PTPRD: variants seen among roughly 807,000 people sequenced by gnomAD.
The protein encoded by PTPRD is protein tyrosine phosphatase receptor type D.
PTPRD carries 34 observed loss-of-function variants against 214.5 expected under a neutral mutation model. The ratio of observed to expected loss-of-function variants is 0.16; its 90% confidence interval spans 0.12 to 0.21. PTPRD has a LOEUF of 0.21. PTPRD is among the 10% of genes least tolerant of loss of function. The pLI, the probability that PTPRD is intolerant of heterozygous loss-of-function variation, is 1.00. For missense variants in PTPRD, 2,545 were observed against 2,398.7 expected (o/e 1.06, Z -1.27); for synonymous variants, 1,128 against 845.7 (o/e 1.33, Z -5.79).
Position 8,809,848 on chromosome 9 carries a change from T to C in PTPRD, c.-103-75902A>G, listed in dbSNP as rs575728348. On this transcript the variant is annotated intron_variant, in intron 11 of 45. Coordinates refer to ENST00000381196, the MANE Select transcript of PTPRD (RefSeq NM_002839.4). ...TTCTTAAAACAATAATTGTAAGCCT[T>C]TATTCTTCACCAGGAATATCAAGGT... 1.0e-3 allele frequency among the ~76,000 whole-genome samples: 157 copies of C among 152,300 alleles called. 2 individuals carry two copies. The highest frequency in any genetic ancestry group is 3.7e-3 in the African/African-American group (153 of 41,564).
intron 9 of PTPRD, among the ~76,000 whole-genome samples, chr9:9,330,735 GA>G (rs1391067851): frequency 1.3e-5 from 2 of 151,714 alleles, no homozygotes; most frequent in African/African-American, 4.8e-5. Flanking sequence ...TTTGTAGAGA[GA>G]AAAAAGTCAT....
At chr9:9,425,740 T>C (rs1461526940) in intron 8 of PTPRD, among the ~76,000 whole-genome samples, 1 of 152,094 alleles carries the variant, frequency 6.6e-6, no homozygotes. Context: ...TATTTCTGCA[T>C]ACAGATTCAA....
Position 8,663,532 on chromosome 9 carries a change from C to T in PTPRD, c.65-26688G>A, listed in dbSNP as rs536971787. On this transcript the variant is annotated intron_variant, in intron 12 of 45. Transcript: ENST00000381196. ...TTGGGAGGCAGTCTCACTCTGTTGCCCAGGCTGGAGTGCAGTGGTGCGATC... is the reference window on the plus strand; with the variant it reads ...TTGGGAGGCAGTCTCACTCTGTTGCTCAGGCTGGAGTGCAGTGGTGCGATC... 2.8e-4 allele frequency among the ~76,000 whole-genome samples: 43 copies of T among 152,056 alleles called. 1 individual carries two copies. The highest frequency in any genetic ancestry group is 2.6e-3 in the Admixed American group (39 of 15,276).
chr9:10,106,017 A>G (rs1591331841), intron 3 of PTPRD, among the ~76,000 whole-genome samples: 1 of 134,684 alleles, frequency 7.4e-6, no homozygotes, highest in Non-Finnish European at 1.6e-5. Context: ...CATATTCAAA[A>G]AAAAAAAAAA....
intron 10 of PTPRD, among the ~76,000 whole-genome samples, chr9:9,116,812 A>G (rs1223156077): frequency 6.6e-6 from 1 of 152,128 alleles, no homozygotes; most frequent in East Asian, 1.9e-4. Context: ...TCTCCTCCAG[A>G]TACCTTGTGC....
intron 14 of PTPRD, among the ~76,000 whole-genome samples, chr9:8,599,071 C>T (rs961722859): frequency 6.6e-6 from 1 of 152,132 alleles, no homozygotes; most frequent in African/African-American, 2.4e-5. Flanking sequence ...GTGGGCAGGT[C>T]TTTCCCAAGC....
chr9:9,159,030 T>A (rs188916146), intron 10 of PTPRD, among the ~76,000 whole-genome samples: 52 of 152,262 alleles, frequency 3.4e-4, no homozygotes, highest in Non-Finnish European at 6.2e-4. Context: ...TAAAATCTAA[T>A]AGACAAAGTA....
chr9:9,173,925 T>C (rs897993993), intron 10 of PTPRD, among the ~76,000 whole-genome samples: 1 of 152,098 alleles, frequency 6.6e-6, no homozygotes, highest in Admixed American at 6.6e-5. Context: ...ACCGGCATGC[T>C]CTTATGTTAG....
chr9:9,515,574 G>A (rs1212781804), intron 8 of PTPRD, among the ~76,000 whole-genome samples: 1 of 151,778 alleles, frequency 6.6e-6, no homozygotes, highest in Non-Finnish European at 1.5e-5. Flanking sequence ...CGAGGTGGTT[G>A]CAAAATGAAT....
At chr9:9,782,349 C>A (rs1402097882) in intron 5 of PTPRD, among the ~76,000 whole-genome samples, 1 of 152,096 alleles carries the variant, frequency 6.6e-6, no homozygotes, top group East Asian at 1.9e-4. Flanking sequence ...GAATTCCTAA[C>A]CCCTTAAAGT....
At chr9:9,848,095 G>C (rs1161617263) in intron 5 of PTPRD, among the ~76,000 whole-genome samples, 1 of 152,048 alleles carries the variant, frequency 6.6e-6, no homozygotes, top group South Asian at 2.1e-4. Flanking sequence ...CTGGAAAGGG[G>C]GAAATCTTTA....
At chr9:9,174,270 C>T (rs1376139955) in intron 10 of PTPRD, among the ~76,000 whole-genome samples, 1 of 152,048 alleles carries the variant, frequency 6.6e-6, no homozygotes, top group Non-Finnish European at 1.5e-5. Flanking sequence ...GTCTCTCCAT[C>T]ATCTACAATA....
At position 9,842,298 on chromosome 9, in the gene PTPRD, A is replaced by ATTTTTTTTTT. The variant is rs138386194; in HGVS notation, c.-367-75457_-367-75448dup. 2.7e-3 allele frequency among the ~76,000 whole-genome samples: 250 copies of ATTTTTTTTTT among 91,424 alleles called. 6 individuals are homozygous for ATTTTTTTTTT. Among genetic ancestry groups the ATTTTTTTTTT allele is most frequent in the Non-Finnish European group, 3.1e-3 (152 of 49,534 alleles). 60.0% of individuals were successfully genotyped at this position (91,424 alleles called of 152,430 possible). ...AACTCAAAGTCTACTGAAGGAGAGC[A>ATTTTTTTTTT]TTTTTTTTTTTTTTTTTTTTTTTTG... On this transcript the variant is annotated intron_variant, in intron 5 of 45. Transcript: ENST00000381196.
chr9:8,948,983 C>T (rs1340460399), intron 11 of PTPRD, among the ~76,000 whole-genome samples: 1 of 151,810 alleles, frequency 6.6e-6, no homozygotes, highest in Non-Finnish European at 1.5e-5. Flanking sequence ...CCTGTAGTCC[C>T]AGCACTTTGG....
At chr9:10,498,409 A>C (rs2042737149) in intron 2 of PTPRD, among the ~76,000 whole-genome samples, 1 of 151,996 alleles carries the variant, frequency 6.6e-6, no homozygotes, top group East Asian at 1.9e-4. Context: ...TGTTAGCTTT[A>C]TTGGCACTAA....
chr9:9,567,205 G>A (rs1162376295), intron 8 of PTPRD, among the ~76,000 whole-genome samples: 1 of 151,944 alleles, frequency 6.6e-6, no homozygotes, highest in East Asian at 1.9e-4. Context: ...AGTCAAAGGT[G>A]TGTGAGTGGG....
At chr9:8,943,681 T>A (rs2099047079) in intron 11 of PTPRD, among the ~76,000 whole-genome samples, 1 of 151,284 alleles carries the variant, frequency 6.6e-6, no homozygotes, top group South Asian at 2.1e-4. Flanking sequence ...AATAAATGGT[T>A]CTGGGAAAAC....
chr9:10,223,094 C>T (rs2099576732), intron 3 of PTPRD, among the ~76,000 whole-genome samples: 3 of 151,970 alleles, frequency 2.0e-5, no homozygotes, highest in South Asian at 2.1e-4. Context: ...ATTGTTTCTG[C>T]TCTATTCAAT....
In PTPRD at chr9:10,553,216, T is replaced by C. The variant is rs75503672; in HGVS notation, c.-600+59182A>G. On this transcript the variant is annotated intron_variant, in intron 2 of 45. Coordinates refer to ENST00000381196, the MANE Select transcript of PTPRD (RefSeq NM_002839.4). The stretch of plus-strand genomic sequence containing the variant: ...ACCCAGGCAGAAAGCAAAGTAATAA[T>C]TGCATGTGGAAGATCATTTATGAGC... Among the ~76,000 whole-genome samples, 9 of 152,202 alleles carry C rather than the reference T, an allele frequency of 5.9e-5. No homozygotes were observed. In the East Asian group the frequency reaches 1.7e-3, roughly 29 times the overall value.
Sources: gnomAD v4.1 joint callset for allele counts (sites outside exome capture counted in the v4.1 genomes callset) on GRCh38, gnomAD v4.1.1 for gene constraint, MANE v1.5 for transcripts, NCBI Gene and HGNC (gene_info 2026-07-23, HGNC 2026-07-21) for gene names.